The following SEC61A2 variants were observed in gnomAD, a reference collection of about 807,000 sequenced individuals.
The protein encoded by SEC61A2 is protein transport protein Sec61 subunit alpha isoform 2.
SEC61A2 carries 28 observed loss-of-function variants against 59.9 expected under a neutral mutation model. That is an observed-to-expected ratio of 0.47 (90% CI 0.35 to 0.64). The LOEUF is 0.64. Among genes scored for constraint, SEC61A2 ranks in the 30% least tolerant of loss-of-function variants. SEC61A2 has a pLI of 0.01. For synonymous variants in SEC61A2, 202 were observed against 214.4 expected (o/e 0.94, Z 0.50); for missense variants, 340 against 585.9 (o/e 0.58, Z 4.33).
In SEC61A2 at chr10:12,145,810, A is replaced by C. The variant is rs1328304255; in HGVS notation, c.220+2615A>C. On this transcript the variant is annotated intron_variant, in intron 4 of 11. Transcript: ENST00000298428. The surrounding 1 kb of genome is among the most constrained non-coding windows in gnomAD (Gnocchi z 4.4). Reference sequence around the variant, plus strand: ...AACATTGTTTTAAATAAAGGAGAAAAATTAAGGAATAGGAAATCACTGACT... The same window carrying C: ...AACATTGTTTTAAATAAAGGAGAAACATTAAGGAATAGGAAATCACTGACT... Among the ~76,000 whole-genome samples, 3 of 152,212 alleles carry C rather than the reference A, an allele frequency of 2.0e-5. No individual in the cohort carries two copies. Among genetic ancestry groups the C allele is most frequent in the African/African-American group, 7.2e-5 (3 of 41,448 alleles).
rs1374650972 is a variant in SEC61A2, at chr10:12,162,641, G to A, written c.1244+352G>A. 1.3e-5 allele frequency among the ~76,000 whole-genome samples: 2 copies of A among 152,074 alleles called. No homozygotes were observed. Among genetic ancestry groups the A allele is most frequent in the East Asian group, 3.9e-4 (2 of 5,192 alleles). On this transcript the variant is annotated intron_variant, in intron 11 of 11. Transcript: ENST00000298428. The surrounding 1 kb of genome is among the most constrained non-coding windows in gnomAD (Gnocchi z 6.1). ...TCCAGGCATCAGGGTTTTATTTTTT[G>A]GTAACAGCTTTATTGAGATAAAATT...
chr10:12,144,926 G>A (rs1834103882), intron 4 of SEC61A2, among the ~76,000 whole-genome samples: 1 of 152,106 alleles, frequency 6.6e-6, no homozygotes, highest in Non-Finnish European at 1.5e-5. Flanking sequence ...CGTGTGTACT[G>A]TGGTCCCAGC....
intron 9 of SEC61A2, among the ~76,000 whole-genome samples, chr10:12,159,606 C>T (rs193208759): frequency 6.6e-6 from 1 of 152,212 alleles, no homozygotes; most frequent in Admixed American, 6.5e-5. Flanking sequence ...GGGAGGATTG[C>T]TTGAGCCCAG....
At chr10:12,146,351 G>T (rs1424054063) in intron 4 of SEC61A2, among the ~76,000 whole-genome samples, 2 of 152,028 alleles carry the variant, frequency 1.3e-5, no homozygotes, top group Non-Finnish European at 2.9e-5. Context: ...AGATGCCCAG[G>T]GTTCTCACCA....
At chr10:12,141,476 A>G (rs1449338041) in intron 3 of SEC61A2, among the ~76,000 whole-genome samples, 4 of 152,216 alleles carry the variant, frequency 2.6e-5, no homozygotes, top group Non-Finnish European at 5.9e-5. Flanking sequence ...AATATGGGTT[A>G]TATAATAGGA....
At position 12,142,540 on chromosome 10, in the gene SEC61A2, T is replaced by C. The variant is rs558683303; in HGVS notation, c.142-577T>C. On this transcript the variant is annotated intron_variant, in intron 3 of 11. Transcript: ENST00000298428. This position sits in a 1 kb window ranked among gnomAD's most constrained non-coding sequence, Gnocchi z 5.4. The stretch of plus-strand genomic sequence containing the variant: ...TGGCTGTCTTTAGTATATAGAGCTT[T>C]GCAAAATCATTCTACGACCAGGCAG... The C allele has an allele frequency of 3.1e-6, 3 of 981,554 alleles. No homozygotes were observed. In the African/African-American group the frequency reaches 5.2e-5, roughly 17 times the overall value. 60.8% of individuals were successfully genotyped at this position (981,554 alleles called of 1,614,324 possible).
intron 6 of SEC61A2, among the ~76,000 whole-genome samples, chr10:12,150,360 G>A (rs1431053309): frequency 2.6e-5 from 4 of 152,226 alleles, no homozygotes; most frequent in Non-Finnish European, 4.4e-5. Context: ...CTGCCTGTGC[G>A]TGTGTCAGCC....
At chr10:12,167,936 CG>C (rs1476807852), downstream of SEC61A2, 38 of 1,427,108 alleles carry the variant, frequency 2.7e-5, no homozygotes, top group Middle Eastern at 1.8e-4. Flanking sequence ...CTGGTGATAA[CG>C]TTTTTTTTGG....
At position 12,160,644 on chromosome 10, in the gene SEC61A2, GT is replaced by G. The variant is rs1423136469; in HGVS notation, c.976-285del. 4.6e-5 allele frequency among the ~76,000 whole-genome samples: 7 copies of G among 152,162 alleles called. No homozygotes were observed. Among genetic ancestry groups the G allele is most frequent in the Non-Finnish European group, 1.0e-4 (7 of 68,038 alleles). ...GTATAATCAGAGGTTGATTGTAAAT[GT>G]AATCATATTCCTATTTTCAGTAATG... On this transcript the variant is annotated intron_variant, in intron 9 of 11. Coordinates refer to ENST00000298428, the MANE Select transcript of SEC61A2 (RefSeq NM_018144.4). This position sits in a 1 kb window ranked among gnomAD's most constrained non-coding sequence, Gnocchi z 4.1.
In SEC61A2 at chr10:12,129,690, G is replaced by A. The variant is rs1183547589; in HGVS notation, c.-98G>A. The stretch of plus-strand genomic sequence containing the variant: ...GGCGGAGCCTGCGCGGGGCCGGTAG[G>A]ATCGCGTCGGGAGCCGGTACCGAGG... On this transcript the variant is annotated 5_prime_UTR_variant, in exon 1 of 12. Coordinates refer to ENST00000298428, the MANE Select transcript of SEC61A2 (RefSeq NM_018144.4). This position sits in a 1 kb window ranked among gnomAD's most constrained non-coding sequence, Gnocchi z 5.6. 6 of 1,213,788 alleles carry A rather than the reference G, an allele frequency of 4.9e-6. No individual in the cohort carries two copies. The highest frequency in any genetic ancestry group is 6.8e-6 in the Non-Finnish European group (6 of 883,090). The allele number at this position is 1,213,788 out of a possible 1,614,324, so 75.2% of individuals were successfully genotyped here. A position where few individuals can be genotyped will look rare whatever the true frequency, so the allele number is the denominator to read the frequency against.
At position 12,145,409 on chromosome 10, in the gene SEC61A2, A is replaced by G. The variant is rs1437493602; in HGVS notation, c.220+2214A>G. Among the ~76,000 whole-genome samples the G allele has an allele frequency of 1.3e-5, 2 of 152,250 alleles. No individual in the cohort carries two copies. Among genetic ancestry groups the G allele is most frequent in the Non-Finnish European group, 2.9e-5 (2 of 68,044 alleles). On this transcript the variant is annotated intron_variant, in intron 4 of 11. Transcript: ENST00000298428. This position sits in a 1 kb window ranked among gnomAD's most constrained non-coding sequence, Gnocchi z 4.4. ...AGAAAGCTAAATTATCTTCCAAAAC[A>G]GTTGTTTGATTTTACACTCTCAGCG...
downstream of SEC61A2, chr10:12,166,863 T>C (rs1473287404): frequency 2.4e-6 from 1 of 416,286 alleles, no homozygotes; most frequent in Admixed American, 2.9e-5. Context: ...AATCTGTACT[T>C]CTTGCTGTGA....
chr10:12,132,116 C>T (rs1313768247), intron 1 of SEC61A2, among the ~76,000 whole-genome samples: 2 of 149,094 alleles, frequency 1.3e-5, no homozygotes, highest in Non-Finnish European at 3.0e-5. Flanking sequence ...GCCTGACCAA[C>T]ATGGTGAAAC....
At chr10:12,146,706 G>A (rs1311191794) in intron 4 of SEC61A2, among the ~76,000 whole-genome samples, 1 of 151,816 alleles carries the variant, frequency 6.6e-6, no homozygotes, top group Non-Finnish European at 1.5e-5. Flanking sequence ...TTTTAGTACA[G>A]GTGGGGTTTC....
At chr10:12,167,701 C>T, downstream of SEC61A2, 3 of 1,613,960 alleles carry the variant, frequency 1.9e-6, no homozygotes, top group Non-Finnish European at 2.5e-6. Context: ...CATATTTGGG[C>T]TTAAAATTTC....
intron 2 of SEC61A2, among the ~76,000 whole-genome samples, chr10:12,134,173 AT>A (rs1366564326): frequency 6.6e-5 from 10 of 151,814 alleles, no homozygotes; most frequent in Non-Finnish European, 7.4e-5. Flanking sequence ...TGCCCGGCTA[AT>A]TTTTTTGTAT....
downstream of SEC61A2, chr10:12,169,191 T>A: frequency 9.4e-7 from 1 of 1,066,258 alleles, no homozygotes; most frequent in African/African-American, 1.6e-5. The surrounding 1 kb of genome is among the most constrained non-coding windows in gnomAD (Gnocchi z 4.8). Flanking sequence ...CCCCTCCTCC[T>A]TTATAGCCAT....
At chr10:12,167,571 A>C (rs1478378836), downstream of SEC61A2, 10 of 784,638 alleles carry the variant, frequency 1.3e-5, no homozygotes, top group Non-Finnish European at 1.6e-5. Context: ...TACCACCACC[A>C]CATCTGTTCT....
chr10:12,141,184 G>A (rs1834012122), intron 3 of SEC61A2, among the ~76,000 whole-genome samples: 1 of 152,200 alleles, frequency 6.6e-6, no homozygotes, highest in Non-Finnish European at 1.5e-5. Flanking sequence ...ACAGGCCTGA[G>A]CCATCGTGCC....
Sources: allele counts gnomAD v4.1 joint callset (sites outside exome capture counted in the v4.1 genomes callset), GRCh38; gene constraint gnomAD v4.1.1; non-coding constraint Gnocchi (gnomAD v3.1); transcripts MANE v1.5; gene names NCBI Gene and HGNC (gene_info 2026-07-23, HGNC 2026-07-21).